The following IKBKB variants were observed in gnomAD, a reference collection of about 807,000 sequenced individuals.
The protein encoded by IKBKB is inhibitor of nuclear factor kappa-B kinase subunit beta.
IKBKB carries 42 observed loss-of-function variants against 113.6 expected under a neutral mutation model. The observed-to-expected ratio is 0.37, with a 90% CI of 0.29 to 0.48. The LOEUF (loss-of-function observed/expected upper bound fraction) is 0.48. Ranked by LOEUF, IKBKB falls within the 20% of genes least tolerant of loss-of-function variation. The probability of loss-of-function intolerance (pLI) is 0.99; values close to 1 mark genes in which losing one functional copy is unlikely to be tolerated. For missense variants in IKBKB, 673 were observed against 939.7 expected (o/e 0.72, Z 3.71); for synonymous variants, 296 against 361.3 (o/e 0.82, Z 2.05).
At chr8:42,282,044 TA>T (rs1810465975) in intron 2 of IKBKB, among the ~76,000 whole-genome samples, 1 of 152,328 alleles carries the variant, frequency 6.6e-6, no homozygotes, top group South Asian at 2.1e-4. Flanking sequence ...CACATGCTTA[TA>T]TATAAGTTTT....
chr8:42,295,252 G>A (rs532475646), intron 5 of IKBKB, among the ~76,000 whole-genome samples: 47 of 151,806 alleles, frequency 3.1e-4, no homozygotes, highest in Admixed American at 1.8e-3. Flanking sequence ...CTGAGTAGCT[G>A]GGATTACAGG....
At chr8:42,320,891 G>C in intron 16 of IKBKB, 47 bp downstream of exon 16, 1 of 1,249,972 alleles carries the variant, frequency 8.0e-7, no homozygotes, top group Non-Finnish European at 1.1e-6. Flanking sequence ...CACACAGACA[G>C]CCCTGGAGCT....
intron 2 of IKBKB, among the ~76,000 whole-genome samples, chr8:42,277,408 C>G: frequency 6.6e-6 from 1 of 152,018 alleles, no homozygotes; most frequent in African/African-American, 2.4e-5. Flanking sequence ...TTCTCAAGCT[C>G]TTGACCTCAA....
rs1821317497 is a variant in IKBKB, at chr8:42,328,993, A to G, written c.2115-131A>G. The G allele has an allele frequency of 9.2e-6, 6 of 653,606 alleles. No homozygotes were observed. The East Asian group carries it at 2.0e-4, about 21-fold the overall frequency. 40.5% of individuals were successfully genotyped at this position (653,606 alleles called of 1,614,324 possible). ...AGTCAGTGGGTTGGTGTTTTAAGAC[A>G]CTCAGGATCAAAATAATTGTTACTT... On this transcript the variant is annotated intron_variant, in intron 20 of 21. Transcript: ENST00000520810.
Position 42,331,299 on chromosome 8 carries a change from C to T in IKBKB, c.*320C>T, listed in dbSNP as rs200560865. Reference sequence around the variant, plus strand: ...CAGCGCACATCGCTGGCCCCACAAACGTTCAGGGGTACAGCCATGGCAGCT... The same window carrying T: ...CAGCGCACATCGCTGGCCCCACAAATGTTCAGGGGTACAGCCATGGCAGCT... On this transcript the variant is annotated 3_prime_UTR_variant, in exon 22 of 22. Coordinates refer to ENST00000520810, the MANE Select transcript of IKBKB (RefSeq NM_001556.3). 6.1e-5 allele frequency: 43 copies of T among 702,432 alleles called. No homozygotes were observed. The highest frequency in any genetic ancestry group is 5.4e-4 in the Middle Eastern group (2 of 3,734). 43.5% of individuals were successfully genotyped at this position (702,432 alleles called of 1,614,324 possible).
chr8:42,287,446 C>A (rs972794510), intron 2 of IKBKB, among the ~76,000 whole-genome samples: 14 of 152,384 alleles, frequency 9.2e-5, no homozygotes, highest in African/African-American at 3.1e-4. Flanking sequence ...GGGTGAGACC[C>A]TCTTGAGCTC....
chr8:42,299,468 G>A lies in IKBKB; in HGVS notation c.389-5719G>A, dbSNP rs183308432. Among the ~76,000 whole-genome samples the A allele has an allele frequency of 3.6e-3, 546 of 152,004 alleles. 6 individuals carry two copies. The highest frequency in any genetic ancestry group is 0.012 in the African/African-American group (504 of 41,468). ...TGGGCATGACCCACAGGACCCACCC[G>A]CCAACCTCTGTGTGTGACCCTTGGA... On this transcript the variant is annotated intron_variant, in intron 5 of 21. Transcript: ENST00000520810.
Position 42,288,716 on chromosome 8 carries a change from A to G in IKBKB, c.188A>G (p.Gln63Arg). 6.2e-7 allele frequency: 1 copy of G among 1,609,934 alleles called. No individual in the cohort carries two copies. The highest frequency in any genetic ancestry group is 8.5e-7 in the Non-Finnish European group (1 of 1,177,834). ...CGAGAGCGGTGGTGCCTGGAGATCC[A>G]GATCATGAGAAGGTGAGGGCCTCGC... Reference protein sequence around the residue: ...RNRERWCLEIQIMRRLTHPNV... With the variant: ...RNRERWCLEIRIMRRLTHPNV... The change falls in exon 3 of 22, where the codon CAG becomes CGG. Residue 63 changes from glutamine to arginine, a missense_variant. By Grantham distance (43) the Gln-to-Arg change is conservative. Around this residue, in one of 2 missense-constraint regions of IKBKB, gnomAD observed 167 missense variants for 301.0 expected, o/e 0.55. Coordinates refer to ENST00000520810, the MANE Select transcript of IKBKB (RefSeq NM_001556.3).
At chr8:42,317,478 AGT>A (rs1818918977) in intron 11 of IKBKB, among the ~76,000 whole-genome samples, 177 bp from the exon 12 acceptor site, 1 of 152,218 alleles carries the variant, frequency 6.6e-6, no homozygotes, top group South Asian at 2.1e-4. Context: ...GTAAATAAAG[AGT>A]GTGTTCAGAC....
intron 5 of IKBKB, among the ~76,000 whole-genome samples, chr8:42,295,233 A>G (rs1286191316): frequency 2.1e-5 from 3 of 144,482 alleles, no homozygotes; most frequent in Non-Finnish European, 4.5e-5. Context: ...ATTCTCCTCC[A>G]TGAGCCTCCT....
At chr8:42,322,010 C>G (rs200009687) in intron 17 of IKBKB, 44 bp from the exon 18 acceptor site, 78 of 1,606,316 alleles carry the variant, frequency 4.9e-5, no homozygotes, top group Non-Finnish European at 6.1e-5. Flanking sequence ...TCACTACTCT[C>G]TGCTGGCTTC....
chr8:42,306,893 T>G (rs999801847), intron 7 of IKBKB, among the ~76,000 whole-genome samples: 6 of 152,202 alleles, frequency 3.9e-5, no homozygotes, highest in African/African-American at 1.4e-4. Flanking sequence ...TTACGTTATT[T>G]GGTCTGAATA....
In IKBKB at chr8:42,294,554, A is replaced by G. The variant is rs17875685; in HGVS notation, c.388+1042A>G. Among the ~76,000 whole-genome samples the G allele has an allele frequency of 1.8e-3, 267 of 152,322 alleles. 1 individual carries two copies. Among genetic ancestry groups the G allele is most frequent in the African/African-American group, 5.9e-3 (247 of 41,584 alleles). On this transcript the variant is annotated intron_variant, in intron 5 of 21. Coordinates refer to ENST00000520810, the MANE Select transcript of IKBKB (RefSeq NM_001556.3). Reference sequence around the variant, plus strand: ...CTGCTGCTTTTGACAGAGGAGAAGCAAGAAGGAAAGGAAGGGGAAAAGTCA... The same window carrying G: ...CTGCTGCTTTTGACAGAGGAGAAGCGAGAAGGAAAGGAAGGGGAAAAGTCA...
Position 42,287,069 on chromosome 8 carries a change from C to T in IKBKB, c.106-1565C>T, listed in dbSNP as rs566083394. Among the ~76,000 whole-genome samples, 684 of 152,300 alleles carry T rather than the reference C, an allele frequency of 4.5e-3. 4 individuals carry two copies. Among genetic ancestry groups the T allele is most frequent in the Non-Finnish European group, 6.8e-3 (464 of 68,018 alleles). On this transcript the variant is annotated intron_variant, in intron 2 of 21. Transcript: ENST00000520810. ...GCCCCGCAGTTGTCTTGGAGACCCC[C>T]CCATAGCCAAAAGAGGTGACAGTGG...
In IKBKB at chr8:42,316,264, C is replaced by G. The variant is rs200223673; in HGVS notation, c.855C>G (p.Pro285=). ...KWLQLMLMWH[P]RQRGTDPTYG... ...TGCAACTGATGCTGATGTGGCACCCCCGACAGAGGGGCACGGATCCCACGT... is the reference window on the plus strand; with the variant it reads ...TGCAACTGATGCTGATGTGGCACCCGCGACAGAGGGGCACGGATCCCACGT... The change falls in exon 10 of 22, where the codon CCC becomes CCG. Residue 285 remains proline (P), a synonymous_variant. Transcript: ENST00000520810. This position sits in a 1 kb window ranked among gnomAD's most constrained non-coding sequence, Gnocchi z 4.5. The G allele has an allele frequency of 5.5e-5, 89 of 1,614,012 alleles. No homozygotes were observed. The highest frequency in any genetic ancestry group is 2.5e-5 in the Non-Finnish European group (30 of 1,180,020).
In IKBKB at chr8:42,283,897, T is replaced by A. The variant is rs370617468; in HGVS notation, c.106-4737T>A. Among the ~76,000 whole-genome samples, 28 of 152,328 alleles carry A rather than the reference T, an allele frequency of 1.8e-4. No individual in the cohort carries two copies. In the East Asian group the frequency reaches 3.9e-3, roughly 21 times the overall value. On this transcript the variant is annotated intron_variant, in intron 2 of 21. Coordinates refer to ENST00000520810, the MANE Select transcript of IKBKB (RefSeq NM_001556.3). Reference sequence around the variant, plus strand: ...ACAGTCTCTTTGGCTAAACCATTGCTTGGAATAGTGTCCATGGAAATGTTG... The same window carrying A: ...ACAGTCTCTTTGGCTAAACCATTGCATGGAATAGTGTCCATGGAAATGTTG...
rs140485496 is a variant in IKBKB at position 42,320,762 on chromosome 8, C to A, written c.1606C>A (p.Arg536=). 6.2e-7 allele frequency: 1 copy of A among 1,612,578 alleles called. No homozygotes were observed. Among genetic ancestry groups the A allele is most frequent in the Non-Finnish European group, 8.5e-7 (1 of 1,179,194 alleles). The change falls in exon 16 of 22, where the codon CGG becomes AGG. Residue 536 remains arginine (R), a synonymous_variant. Coordinates refer to ENST00000520810, the MANE Select transcript of IKBKB (RefSeq NM_001556.3). ...GAACGAAGTGAAACTCCTGGTAGAACGGATGATGGCTCTGCAGACCGACAT... is the reference window on the plus strand; with the variant it reads ...GAACGAAGTGAAACTCCTGGTAGAAAGGATGATGGCTCTGCAGACCGACAT... ...RENEVKLLVE[R]MMALQTDIVD...
At chr8:42,271,767 C>T (rs958380225) in intron 1 of IKBKB, 2 of 496,382 alleles carry the variant, frequency 4.0e-6, no homozygotes, top group Non-Finnish European at 3.5e-6. Flanking sequence ...GGGCAGAAGG[C>T]GGGCAGGCCC....
At chr8:42,304,592 G>T (rs1241333466) in intron 5 of IKBKB, among the ~76,000 whole-genome samples, 1 of 152,170 alleles carries the variant, frequency 6.6e-6, no homozygotes, top group Non-Finnish European at 1.5e-5. Context: ...TCTGTGTAGG[G>T]CTGTCTGTAT....
Sources: gnomAD v4.1 joint callset for allele counts (sites outside exome capture counted in the v4.1 genomes callset) on GRCh38, gnomAD v4.1.1 for gene constraint, gnomAD v4.1.1 regional missense constraint, Gnocchi (gnomAD v3.1) non-coding constraint, MANE v1.5 for transcripts, NCBI Gene and HGNC (gene_info 2026-07-23, HGNC 2026-07-21) for gene names.